The following CSMD2 variants were observed in gnomAD, a reference collection of about 807,000 sequenced individuals.
CSMD2 encodes the protein CUB and sushi domain-containing protein 2.
CSMD2 carries 130 observed loss-of-function variants against 398.5 expected under a neutral mutation model. The observed-to-expected ratio is 0.33, with a 90% CI of 0.28 to 0.38. The LOEUF is 0.38. CSMD2 is among the 10% of genes least tolerant of loss of function. The pLI, the probability that CSMD2 is intolerant of heterozygous loss-of-function variation, is 1.00. For missense variants in CSMD2, 3,829 were observed against 4,764.9 expected (o/e 0.80, Z 5.78); for synonymous variants, 1,828 against 1,908.5 (o/e 0.96, Z 1.10).
chr1:34,082,089 GC>G (rs1657237736), intron 2 of CSMD2, among the ~76,000 whole-genome samples: 1 of 148,702 alleles, frequency 6.7e-6, no homozygotes, highest in African/African-American at 2.5e-5. Flanking sequence ...CTGCCTGGCC[GC>G]CCATCATCTG....
intron 1 of CSMD2, among the ~76,000 whole-genome samples, chr1:34,151,819 C>A (rs576100527): frequency 4.7e-5 from 7 of 148,042 alleles, no homozygotes; most frequent in African/African-American, 1.5e-4. Context: ...CTCCCTCCCC[C>A]CCCTTCTCTC....
intron 25 of CSMD2, among the ~76,000 whole-genome samples, chr1:33,663,506 T>C (rs932678374): frequency 6.7e-6 from 1 of 149,738 alleles, no homozygotes; most frequent in South Asian, 2.1e-4. Context: ...AAAAAAAAAA[T>C]AATTGGGGCT....
At chr1:33,616,473 A>G (rs889580411) in intron 39 of CSMD2, among the ~76,000 whole-genome samples, 1 of 152,122 alleles carries the variant, frequency 6.6e-6, no homozygotes, top group African/African-American at 2.4e-5. Context: ...CCTGACTTCA[A>G]GTGATCCGCC....
At chr1:33,990,793 C>T (rs534264594) in intron 3 of CSMD2, among the ~76,000 whole-genome samples, 8 of 152,268 alleles carry the variant, frequency 5.3e-5, no homozygotes, top group South Asian at 4.2e-4. Context: ...ACTGAGCTCA[C>T]CCAGTTACCT....
At chr1:33,888,340 T>C (rs1641738186) in intron 5 of CSMD2, among the ~76,000 whole-genome samples, 1 of 148,774 alleles carries the variant, frequency 6.7e-6, no homozygotes. Flanking sequence ...ATGAAGGAGG[T>C]CTTTTCTGGG....
chr1:33,945,034 G>A (rs1174109498), intron 3 of CSMD2, among the ~76,000 whole-genome samples: 1 of 152,034 alleles, frequency 6.6e-6, no homozygotes, highest in Non-Finnish European at 1.5e-5. Context: ...AGCTGGGGCT[G>A]CAAAGACATC....
At chr1:33,906,731 G>A (rs535628230) in intron 5 of CSMD2, among the ~76,000 whole-genome samples, 4 of 152,324 alleles carry the variant, frequency 2.6e-5, no homozygotes, top group African/African-American at 9.6e-5. Context: ...ATGTCCATCA[G>A]GTAGCTGGCT....
intron 10 of CSMD2, among the ~76,000 whole-genome samples, chr1:33,797,271 C>T (rs1655065510): frequency 6.6e-6 from 1 of 152,204 alleles, no homozygotes; most frequent in African/African-American, 2.4e-5. Flanking sequence ...ACAGCACGGT[C>T]CTACTGTTAT....
chr1:33,718,415 A>T (rs1161438829), intron 19 of CSMD2, among the ~76,000 whole-genome samples: 4 of 152,212 alleles, frequency 2.6e-5, no homozygotes, highest in Admixed American at 2.0e-4. Flanking sequence ...TCCAGATTTG[A>T]TGTGACAGAT....
chr1:33,721,991 G>C lies in CSMD2; in HGVS notation c.3001+2206C>G, dbSNP rs572463361. On this transcript the variant is annotated intron_variant, in intron 19 of 70. Coordinates refer to ENST00000373381, the MANE Select transcript of CSMD2 (RefSeq NM_001281956.2). Reference sequence around the variant, plus strand: ...AAACTTATTTTTTTTACTTAACAAAGTATTGCAACCACCCCTGTAGGTCTT... The same window carrying C: ...AAACTTATTTTTTTTACTTAACAAACTATTGCAACCACCCCTGTAGGTCTT... Among the ~76,000 whole-genome samples, 7 of 152,166 alleles carry C rather than the reference G, an allele frequency of 4.6e-5. No individual in the cohort carries two copies. The East Asian group carries it at 9.7e-4, about 21-fold the overall frequency.
At chr1:33,867,332 T>C (rs1108929) in intron 5 of CSMD2, among the ~76,000 whole-genome samples, 127,678 of 152,222 alleles carry the variant, frequency 0.84, 54,064 homozygotes, top group African/African-American at 0.95. Flanking sequence ...GAACTTAATA[T>C]TGCAGCAGCC....
chr1:33,519,437 C>T lies in CSMD2; in HGVS notation c.*53+28G>A. The T allele has an allele frequency of 2.1e-6, 3 of 1,433,406 alleles. No individual in the cohort carries two copies. The highest frequency in any genetic ancestry group is 2.9e-6 in the Non-Finnish European group (3 of 1,031,098). 88.8% of individuals were successfully genotyped at this position (1,433,406 alleles called of 1,614,324 possible). On this transcript the variant is annotated intron_variant, in intron 70 of 70. Coordinates refer to ENST00000373381, the MANE Select transcript of CSMD2 (RefSeq NM_001281956.2). This position sits in a 1 kb window ranked among gnomAD's most constrained non-coding sequence, Gnocchi z 5.6. ...AGGTCCCTGTCTGTGCTTGTCATGG[C>T]CTGTCTTCCTCCCACACCCCTGCTC...
At chr1:33,920,254 C>T (rs931323586) in intron 4 of CSMD2, among the ~76,000 whole-genome samples, 15 of 151,982 alleles carry the variant, frequency 9.9e-5, no homozygotes, top group Middle Eastern at 3.4e-3. Context: ...AAGGACTGGG[C>T]GCAGTGGCTC....
intron 5 of CSMD2, among the ~76,000 whole-genome samples, chr1:33,853,052 G>A (rs1638829754): frequency 6.6e-6 from 1 of 152,120 alleles, no homozygotes; most frequent in Non-Finnish European, 1.5e-5. Context: ...TTCTAAGTAG[G>A]GAATCATAAA....
At chr1:34,146,798 T>TG (rs1557427191) in intron 1 of CSMD2, among the ~76,000 whole-genome samples, 1 of 152,166 alleles carries the variant, frequency 6.6e-6, no homozygotes, top group African/African-American at 2.4e-5. Context: ...GTAAAGTTTC[T>TG]GGGGGTGGGA....
chr1:33,848,302 T>C (rs985167912), intron 5 of CSMD2, among the ~76,000 whole-genome samples: 15 of 152,170 alleles, frequency 9.9e-5, no homozygotes, highest in Non-Finnish European at 2.1e-4. Context: ...AGACACCATA[T>C]AGGACCCAGA....
chr1:34,014,607 C>T (rs1886642), intron 3 of CSMD2, among the ~76,000 whole-genome samples: 34,775 of 152,176 alleles, frequency 0.23, 4,663 homozygotes, highest in East Asian at 0.57. Context: ...GACCACTGTG[C>T]CCTAAGCGCT....
chr1:33,649,693 C>T (rs952791624), intron 28 of CSMD2, among the ~76,000 whole-genome samples: 3 of 152,116 alleles, frequency 2.0e-5, no homozygotes, highest in African/African-American at 2.4e-5. Flanking sequence ...TTGAAGGAAA[C>T]ATTTGAAGAC....
chr1:33,622,325 G>A (rs751975376), intron 36 of CSMD2, 54 bp from the exon 37 acceptor site: 2 of 1,296,510 alleles, frequency 1.5e-6, no homozygotes, highest in Non-Finnish European at 2.2e-6. Flanking sequence ...CCAGGCCCTT[G>A]CATTCCTCCC....
Sources: gnomAD v4.1 joint callset for allele counts (sites outside exome capture counted in the v4.1 genomes callset) on GRCh38, gnomAD v4.1.1 for gene constraint, Gnocchi (gnomAD v3.1) non-coding constraint, MANE v1.5 for transcripts, NCBI Gene and HGNC (gene_info 2026-07-23, HGNC 2026-07-21) for gene names.